DCC: variants seen among roughly 807,000 people sequenced by gnomAD.
DCC encodes the protein DCC netrin 1 receptor, also known as netrin receptor DCC.
In DCC, 58 loss-of-function variants were observed where a neutral mutation model predicts 172.5. The ratio of observed to expected loss-of-function variants is 0.34; its 90% confidence interval spans 0.27 to 0.42. The LOEUF (loss-of-function observed/expected upper bound fraction) is 0.42, where lower values mean the gene tolerates loss of function less well. DCC is among the 10% of genes least tolerant of loss of function. The pLI, the probability that DCC is intolerant of heterozygous loss-of-function variation, is 1.00. For missense variants in DCC, 1,740 were observed against 1,791.0 expected, an observed-to-expected ratio of 0.97 and a Z score of 0.51; for synonymous variants, 709 against 644.5, an observed-to-expected ratio of 1.10 and a Z score of -1.52.
intron 1 of DCC, among the ~76,000 whole-genome samples, chr18:52,418,649 G>A (rs1193271346): frequency 1.3e-5 from 2 of 151,948 alleles, no homozygotes; most frequent in East Asian, 1.9e-4. Context: ...ACAAGCAGTG[G>A]GTCCAACACA....
intron 7 of DCC, among the ~76,000 whole-genome samples, chr18:53,102,497 C>T (rs2043188350): frequency 6.6e-6 from 1 of 152,022 alleles, no homozygotes; most frequent in Non-Finnish European, 1.5e-5. Flanking sequence ...AAGCCCTCTG[C>T]CTAATTTTTT....
chr18:52,797,158 G>A (rs1433789251), intron 2 of DCC, among the ~76,000 whole-genome samples: 2 of 151,998 alleles, frequency 1.3e-5, no homozygotes, highest in Non-Finnish European at 2.9e-5. Context: ...CTCATCTAGA[G>A]CATAAATTGT....
At chr18:52,725,717 A>C (rs2036541813) in intron 1 of DCC, among the ~76,000 whole-genome samples, 1 of 152,196 alleles carries the variant, frequency 6.6e-6, no homozygotes, top group South Asian at 2.1e-4. Flanking sequence ...GATGATTTTG[A>C]CTAAGATGGC....
At chr18:53,505,564 C>T (rs747924735) in intron 27 of DCC, among the ~76,000 whole-genome samples, 2 of 152,100 alleles carry the variant, frequency 1.3e-5, no homozygotes, top group Non-Finnish European at 2.9e-5. Flanking sequence ...GAAAATATCG[C>T]ATCAAGAATT....
intron 12 of DCC, among the ~76,000 whole-genome samples, chr18:53,250,643 C>G (rs2056418911): frequency 6.6e-6 from 1 of 151,522 alleles, no homozygotes; most frequent in Non-Finnish European, 1.5e-5. Flanking sequence ...ACAGATTTCT[C>G]AGGGGTCTCA....
At chr18:52,367,941 T>A (rs1984951658) in intron 1 of DCC, among the ~76,000 whole-genome samples, 1 of 152,188 alleles carries the variant, frequency 6.6e-6, no homozygotes, top group Non-Finnish European at 1.5e-5. Flanking sequence ...ACCTGCTTCC[T>A]TTTTGTTTGG....
intron 1 of DCC, among the ~76,000 whole-genome samples, chr18:52,557,746 G>A (rs895082652): frequency 6.6e-6 from 1 of 152,112 alleles, no homozygotes; most frequent in Non-Finnish European, 1.5e-5. Context: ...TGCAACTTCT[G>A]CCTCCCAGAT....
At chr18:53,128,358 A>G (rs2043596089) in intron 7 of DCC, among the ~76,000 whole-genome samples, 1 of 152,134 alleles carries the variant, frequency 6.6e-6, no homozygotes, top group Non-Finnish European at 1.5e-5. Flanking sequence ...ATCATTGTAC[A>G]AACTCAGCTT....
At chr18:52,783,725 G>A (rs2037599601) in intron 2 of DCC, among the ~76,000 whole-genome samples, 1 of 151,744 alleles carries the variant, frequency 6.6e-6, no homozygotes, top group African/African-American at 2.4e-5. Flanking sequence ...GTATATATGT[G>A]TGTGTATGTA....
At chr18:53,128,215 T>C (rs2043594267) in intron 7 of DCC, among the ~76,000 whole-genome samples, 1 of 152,178 alleles carries the variant, frequency 6.6e-6, no homozygotes, top group Admixed American at 6.6e-5. Flanking sequence ...GCATACATTT[T>C]TTAATGTCTG....
intron 16 of DCC, 32 bp from the exon 17 acceptor site, chr18:53,391,623 G>A (rs764909216): frequency 5.2e-6 from 7 of 1,351,672 alleles, no homozygotes; most frequent in Non-Finnish European, 4.2e-6. Context: ...GTATTTATTT[G>A]TTTGTTTCAT....
At chr18:52,820,944 G>T (rs2038393818) in intron 2 of DCC, among the ~76,000 whole-genome samples, 1 of 151,934 alleles carries the variant, frequency 6.6e-6, no homozygotes, top group African/African-American at 2.4e-5. Flanking sequence ...AACTCACCTG[G>T]AGAAAAAAAA....
chr18:52,828,623 A>G (rs1301529046), intron 2 of DCC, among the ~76,000 whole-genome samples: 3 of 152,072 alleles, frequency 2.0e-5, no homozygotes, highest in African/African-American at 7.2e-5. Context: ...TTCAGTTGTA[A>G]TGGGGGCTTC....
Position 53,416,124 on chromosome 18 carries a change from T to G in DCC, c.3131T>G (p.Val1044Gly). The G allele has an allele frequency of 6.2e-7, 1 of 1,609,676 alleles. No individual in the cohort carries two copies. Among genetic ancestry groups the G allele is most frequent in the East Asian group, 2.2e-5 (1 of 44,836 alleles). Residue 1044 changes from valine to glycine, a missense_variant and splice_region_variant, in exon 21 of 29, where the codon GTG becomes GGG. Val to Gly is a moderately radical substitution (Grantham distance 109, BLOSUM62 -3). Coordinates refer to ENST00000442544, the MANE Select transcript of DCC (RefSeq NM_005215.4). ...SDPILFRTLK[V>G]EHPDKMANDQ... ...AATGTTATTTCTTTTTCCCCCGCAG[T>G]GGAACACCCTGACAAAATGGCTAAT... is the stretch of plus-strand genomic sequence containing the variant.
chr18:52,728,183 C>CTCTT (rs145749500), intron 1 of DCC, among the ~76,000 whole-genome samples: 3 of 152,046 alleles, frequency 2.0e-5, no homozygotes, highest in South Asian at 2.1e-4. Flanking sequence ...GTCTCTCTCT[C>CTCTT]TCTCTCTCTC....
At chr18:52,839,935 A>G (rs1167246422) in intron 2 of DCC, among the ~76,000 whole-genome samples, 1 of 152,210 alleles carries the variant, frequency 6.6e-6, no homozygotes, top group African/African-American at 2.4e-5. Flanking sequence ...AACATAGTTC[A>G]CTTCTTCCCA....
chr18:52,991,988 C>T (rs2041401070), intron 5 of DCC, among the ~76,000 whole-genome samples: 1 of 152,196 alleles, frequency 6.6e-6, no homozygotes. Flanking sequence ...TGAAAATTAG[C>T]ATTTGCACTT....
At chr18:52,464,245 C>G (rs928629176) in intron 1 of DCC, among the ~76,000 whole-genome samples, 1 of 152,060 alleles carries the variant, frequency 6.6e-6, no homozygotes, top group Non-Finnish European at 1.5e-5. Flanking sequence ...TATATATACT[C>G]CTTTTGAATG....
At chr18:53,315,733 T>C (rs565929822) in intron 13 of DCC, among the ~76,000 whole-genome samples, 147 of 152,280 alleles carry the variant, frequency 9.7e-4, no homozygotes, top group Non-Finnish European at 1.7e-3. Context: ...TTTTTTTTCA[T>C]ATATTTTTTG....
Sources: allele counts gnomAD v4.1 joint callset (sites outside exome capture counted in the v4.1 genomes callset), GRCh38; gene constraint gnomAD v4.1.1; transcripts MANE v1.5; gene names NCBI Gene and HGNC (gene_info 2026-07-23, HGNC 2026-07-21).